Variants in BMPER observed in about 807,000 individuals in gnomAD.
BMPER encodes BMP binding endothelial regulator.
A neutral mutation model predicts 87.3 loss-of-function variants in BMPER; 45 were observed. The observed-to-expected ratio is 0.52, with a 90% confidence interval of 0.41 to 0.66. The LOEUF is 0.66. Among genes scored for constraint, BMPER ranks in the 30% least tolerant of loss-of-function variants. The probability of loss-of-function intolerance (pLI) is 0.00; values close to 1 mark genes in which losing one functional copy is unlikely to be tolerated. For synonymous variants in BMPER, 326 were observed against 316.2 expected (o/e 1.03, Z -0.33); for missense variants, 784 against 867.5 (o/e 0.90, Z 1.21).
At chr7:33,914,054 C>T (rs541228963) in intron 2 of BMPER, among the ~76,000 whole-genome samples, 27 of 151,642 alleles carry the variant, frequency 1.8e-4, no homozygotes, top group African/African-American at 6.3e-4. Context: ...CTCCGCCTCC[C>T]GGGTTCGCGC....
intron 7 of BMPER, among the ~76,000 whole-genome samples, chr7:34,048,081 C>T (rs1430745990): frequency 2.6e-5 from 4 of 151,906 alleles, no homozygotes; most frequent in Non-Finnish European, 4.4e-5. Flanking sequence ...GCCTCCTGTC[C>T]GTTAATGCCC....
chr7:34,061,950 GTTT>G (rs3083769), intron 10 of BMPER, 49 bp from the exon 11 acceptor site: 12 of 1,172,354 alleles, frequency 1.0e-5, no homozygotes, highest in African/African-American at 3.2e-5. Context: ...AGGAGACCCT[GTTT>G]TTTTTTTTTT....
At chr7:34,121,879 T>C (rs1016463172) in intron 13 of BMPER, among the ~76,000 whole-genome samples, 2 of 152,012 alleles carry the variant, frequency 1.3e-5, no homozygotes, top group Admixed American at 6.5e-5. Context: ...CCCAGTACTT[T>C]GGGAGGCCAA....
chr7:33,933,335 C>T (rs1477563152), intron 2 of BMPER, among the ~76,000 whole-genome samples: 6 of 151,994 alleles, frequency 3.9e-5, no homozygotes, highest in African/African-American at 1.5e-4. Flanking sequence ...AGACAGACGC[C>T]TTTGACAGCA....
intron 8 of BMPER, among the ~76,000 whole-genome samples, chr7:34,052,336 A>G (rs1249622113): frequency 2.0e-5 from 3 of 152,206 alleles, no homozygotes. Flanking sequence ...CACATTCAAG[A>G]GAAGAGAAAG....
intron 3 of BMPER, among the ~76,000 whole-genome samples, chr7:33,950,439 TG>T (rs1288966245): frequency 2.0e-5 from 3 of 152,158 alleles, no homozygotes; most frequent in Non-Finnish European, 4.4e-5. Flanking sequence ...TTCTGTGGGT[TG>T]GGGCTCTGGG....
chr7:34,061,762 A>G (rs1478060047), intron 10 of BMPER, among the ~76,000 whole-genome samples: 7 of 152,112 alleles, frequency 4.6e-5, no homozygotes, highest in Admixed American at 3.9e-4. Context: ...TAGGTATTAT[A>G]TTTCTTGGAG....
At chr7:33,937,905 A>G (rs1404555586) in intron 3 of BMPER, among the ~76,000 whole-genome samples, 1 of 152,012 alleles carries the variant, frequency 6.6e-6, no homozygotes, top group Non-Finnish European at 1.5e-5. Flanking sequence ...TCCTTACTCC[A>G]GCCTCATTTT....
chr7:33,996,012 T>G (rs1259586814), intron 6 of BMPER, among the ~76,000 whole-genome samples: 2 of 152,236 alleles, frequency 1.3e-5, no homozygotes, highest in Admixed American at 1.3e-4. Context: ...GGGATACTGC[T>G]TCTTGGCAAA....
chr7:33,949,379 A>G (rs1433111662), intron 3 of BMPER, among the ~76,000 whole-genome samples: 2 of 152,190 alleles, frequency 1.3e-5, no homozygotes, highest in Non-Finnish European at 2.9e-5. Context: ...CAATCTTTGT[A>G]CCAGGTTCTT....
chr7:34,028,373 C>A (rs1787415255), intron 6 of BMPER, among the ~76,000 whole-genome samples: 5 of 151,770 alleles, frequency 3.3e-5, no homozygotes. Flanking sequence ...AAAAGGAACA[C>A]TTAAAAATTT....
chr7:34,140,326 A>G (rs1055561744), intron 13 of BMPER, among the ~76,000 whole-genome samples: 2 of 152,248 alleles, frequency 1.3e-5, no homozygotes, highest in African/African-American at 4.8e-5. Context: ...AACTCTGTTC[A>G]TTATTTTATG....
In BMPER at chr7:33,905,735, C is replaced by T. The variant is rs1783795253; in HGVS notation, c.122C>T (p.Ser41Phe). ...GGGGTCCCCATGTCTCTGGCTTCCTCCTTCTTGACAGGTAGGGGAGGGGGC... is the reference window on the plus strand; with the variant it reads ...GGGGTCCCCATGTCTCTGGCTTCCTTCTTCTTGACAGGTAGGGGAGGGGGC... ...CSGVPMSLASSFLTGSVAKCE... is the reference protein window; with the variant it reads ...CSGVPMSLASFFLTGSVAKCE... Residue 41 changes from serine to phenylalanine, a missense_variant, in exon 1 of 15, where the codon TCC becomes TTC. By Grantham distance (155) the Ser-to-Phe change is radical. Transcript: ENST00000649409. 6.2e-7 allele frequency: 1 copy of T among 1,612,378 alleles called. No homozygotes were observed.
At chr7:34,000,837 T>C (rs984541303) in intron 6 of BMPER, among the ~76,000 whole-genome samples, 1 of 152,102 alleles carries the variant, frequency 6.6e-6, no homozygotes, top group African/African-American at 2.4e-5. Flanking sequence ...TTTTTGTAAA[T>C]GCCTTTATCA....
intron 3 of BMPER, among the ~76,000 whole-genome samples, chr7:33,940,248 A>G (rs1318903427): frequency 2.0e-5 from 3 of 152,186 alleles, no homozygotes; most frequent in East Asian, 1.9e-4. Flanking sequence ...ACTTAACATT[A>G]GGGCATAACA....
rs186621426 is a variant in BMPER at position 34,064,663 on chromosome 7, G to C, written c.1078+2616G>C. Reference sequence around the variant, plus strand: ...GAGGACAGTGACTCTGCACCTGCGCGGAGCAGGTCAGTCAGTGCTGGAAGG... The same window carrying C: ...GAGGACAGTGACTCTGCACCTGCGCCGAGCAGGTCAGTCAGTGCTGGAAGG... On this transcript the variant is annotated intron_variant, in intron 11 of 14. Coordinates refer to ENST00000649409, the MANE Select transcript of BMPER (RefSeq NM_001365308.1). Among the ~76,000 whole-genome samples the C allele has an allele frequency of 3.3e-5, 5 of 152,320 alleles. No individual in the cohort carries two copies. In the East Asian group the frequency reaches 9.7e-4, roughly 29 times the overall value.
intron 3 of BMPER, among the ~76,000 whole-genome samples, chr7:33,953,238 A>T (rs191975747): frequency 3.9e-5 from 6 of 152,260 alleles, no homozygotes; most frequent in African/African-American, 1.4e-4. Context: ...CACACAGAGG[A>T]GCTGAAGGCA....
intron 2 of BMPER, among the ~76,000 whole-genome samples, chr7:33,913,393 A>G (rs1025064408): frequency 6.6e-6 from 1 of 152,224 alleles, no homozygotes; most frequent in Non-Finnish European, 1.5e-5. Context: ...ACATGACACA[A>G]TAAAATAAAT....
intron 6 of BMPER, among the ~76,000 whole-genome samples, chr7:34,028,708 A>G (rs1787443533): frequency 7.2e-6 from 1 of 138,454 alleles, no homozygotes; most frequent in Non-Finnish European, 1.5e-5. Flanking sequence ...CTGGTCCTCA[A>G]TCTTGATGCT....
Sources: gnomAD v4.1 joint callset for allele counts (sites outside exome capture counted in the v4.1 genomes callset) on GRCh38, gnomAD v4.1.1 for gene constraint, MANE v1.5 for transcripts, NCBI Gene and HGNC (gene_info 2026-07-23, HGNC 2026-07-21) for gene names.